NCBP2L: variants seen among roughly 807,000 people sequenced by gnomAD.
The protein encoded by NCBP2L is nuclear cap-binding protein subunit 2-like.
For missense variants in NCBP2L, 95 were observed against 53.1 expected (o/e 1.79, Z -2.45); for synonymous variants, 39 against 19.2 (o/e 2.04, Z -2.70).
At chrX:107,781,971 C>T (rs1930298837) in intron 1 of NCBP2L, among the ~76,000 whole-genome samples, 2 of 90,222 alleles carry the variant, frequency 2.2e-5, no homozygotes, top group African/African-American at 8.1e-5. Context: ...GTGATCTGCC[C>T]ACCTCGGCTT....
Position 107,794,578 on chromosome X carries a change from G to A in NCBP2L, c.358G>A (p.Gly120Ser). The stretch of plus-strand genomic sequence containing the variant: ...TGATTGGGATGTCGGTTTTAGAGAG[G>A]GTCAACAGTATGGTCGCGGTAAATC... ...CTDWDVGFREGQQYGRGKSGG... is the reference protein window; with the variant it reads ...CTDWDVGFRESQQYGRGKSGG... The change falls in exon 2 of 2, where the codon GGT (glycine) becomes AGT (serine). Residue 120 changes from glycine to serine, a missense_variant. Gly to Ser is a moderately conservative substitution (Grantham distance 56). Coordinates refer to ENST00000509000, the MANE Select transcript of NCBP2L (RefSeq NM_001348372.2). The A allele has an allele frequency of 3.5e-6, 2 of 569,749 alleles. No homozygotes were observed. The highest frequency in any genetic ancestry group is 3.2e-6 in the Non-Finnish European group (1 of 309,403). The allele number at this position is 569,749 out of a possible 1,213,427, so 47.0% of individuals were successfully genotyped here.
At chrX:107,780,777 A>G (rs1930254721) in intron 1 of NCBP2L, among the ~76,000 whole-genome samples, 1 of 108,159 alleles carries the variant, frequency 9.2e-6, no homozygotes, top group Non-Finnish European at 1.9e-5. Flanking sequence ...TTACAGACAC[A>G]TGCCACCATG....
intron 1 of NCBP2L, among the ~76,000 whole-genome samples, chrX:107,781,692 C>CTCTCTCTCTCTCTCTCTA (rs1395038482): frequency 2.7e-4 from 18 of 66,913 alleles, no homozygotes; most frequent in South Asian, 2.7e-3. Flanking sequence ...CTCTCTCTCT[C>CTCTCTCTCTCTCTCTCTA]TATATATATA....
At chrX:107,782,235 AAAT>A (rs1930312659) in intron 1 of NCBP2L, among the ~76,000 whole-genome samples, 8 of 21,635 alleles carry the variant, frequency 3.7e-4, no homozygotes, top group African/African-American at 6.1e-4. Flanking sequence ...ATATATATAT[AAAT>A]ATATATATAT....
At chrX:107,794,076 A>G (rs148886843) in intron 1 of NCBP2L, 73 bp from the exon 2 acceptor site, 7,284 of 420,087 alleles carry the variant, frequency 0.017, 62 homozygotes, top group South Asian at 0.028. Flanking sequence ...GAACACAAAT[A>G]TGTTAAATAT....
chrX:107,785,429 T>A (rs1930384962), intron 1 of NCBP2L, among the ~76,000 whole-genome samples: 1 of 111,799 alleles, frequency 8.9e-6, no homozygotes, highest in African/African-American at 3.3e-5. Context: ...CAAGTTTTAG[T>A]TTTTTGTTGC....
chrX:107,789,219 G>A (rs1420693859), intron 1 of NCBP2L, among the ~76,000 whole-genome samples: 1 of 83,960 alleles, frequency 1.2e-5, no homozygotes, highest in East Asian at 3.7e-4. Context: ...AATACACATA[G>A]CTTCTCCAGT....
At chrX:107,781,738 A>G in intron 1 of NCBP2L, among the ~76,000 whole-genome samples, 1 of 93,117 alleles carries the variant, frequency 1.1e-5, no homozygotes, top group African/African-American at 3.9e-5. Flanking sequence ...AGATCTATAT[A>G]TAGATATCTA....
At chrX:107,793,439 C>T (rs897870378) in intron 1 of NCBP2L, among the ~76,000 whole-genome samples, 5 of 111,441 alleles carry the variant, frequency 4.5e-5, no homozygotes, top group South Asian at 3.8e-4. Flanking sequence ...TAGCTAAAAC[C>T]GACTAAATCG....
At chrX:107,783,819 T>C (rs1214756919) in intron 1 of NCBP2L, among the ~76,000 whole-genome samples, 1 of 110,592 alleles carries the variant, frequency 9.0e-6, no homozygotes, top group African/African-American at 3.3e-5. Context: ...TCCTAATATC[T>C]ACAGTGTTTT....
chrX:107,793,610 G>C (rs1930479758), intron 1 of NCBP2L, among the ~76,000 whole-genome samples: 3 of 111,959 alleles, frequency 2.7e-5, no homozygotes, highest in Non-Finnish European at 5.6e-5. Context: ...ATACCAGAGA[G>C]TTTTCATTTC....
At chrX:107,781,692 C>CTCTCGCTCTATA (rs1395038482) in intron 1 of NCBP2L, among the ~76,000 whole-genome samples, 1 of 66,919 alleles carries the variant, frequency 1.5e-5, no homozygotes, top group African/African-American at 8.5e-5. Context: ...CTCTCTCTCT[C>CTCTCGCTCTATA]TATATATATA....
At chrX:107,790,946 T>C (rs184131892) in intron 1 of NCBP2L, among the ~76,000 whole-genome samples, 176 of 112,085 alleles carry the variant, frequency 1.6e-3, no homozygotes, top group African/African-American at 5.1e-3. Context: ...CTGGGCCTAC[T>C]GTGTGCTCCT....
chrX:107,794,936 G>A lies in NCBP2L; in HGVS notation c.*254G>A, dbSNP rs1361228753. 1 of 222,290 alleles carries A rather than the reference G, an allele frequency of 4.5e-6. No individual in the cohort carries two copies. The highest frequency in any genetic ancestry group is 6.4e-5 in the Admixed American group (1 of 15,577). The allele number at this position is 222,290 out of a possible 1,213,427, so 18.3% of individuals were successfully genotyped here. A position where few individuals can be genotyped will look rare whatever the true frequency, so the allele number is the denominator to read the frequency against. ...GAAGTGTTCTTCGGGAACAAATTAG[G>A]TATGTAAGATCAGAGTCAACCAAAG... On this transcript the variant is annotated 3_prime_UTR_variant, in exon 2 of 2. Coordinates refer to ENST00000509000, the MANE Select transcript of NCBP2L (RefSeq NM_001348372.2).
chrX:107,793,528 A>G (rs1930478775), intron 1 of NCBP2L, among the ~76,000 whole-genome samples: 1 of 112,136 alleles, frequency 8.9e-6, no homozygotes, highest in Admixed American at 9.5e-5. Flanking sequence ...AGAAAGGTTA[A>G]TTACTATTTA....
chrX:107,780,270 G>A (rs1032896360), intron 1 of NCBP2L, among the ~76,000 whole-genome samples: 1 of 111,475 alleles, frequency 9.0e-6, no homozygotes, highest in Non-Finnish European at 1.9e-5. Flanking sequence ...ACCTGAGCCC[G>A]GGTAGGTTGA....
intron 1 of NCBP2L, among the ~76,000 whole-genome samples, chrX:107,780,123 G>A (rs1348867292): frequency 9.0e-6 from 1 of 111,170 alleles, no homozygotes; most frequent in African/African-American, 3.3e-5. Flanking sequence ...TTGAGAGGCC[G>A]GGGTGGGCGG....
In NCBP2L at chrX:107,781,692, C is replaced by CTCTA. The variant is rs1395038482; in HGVS notation, c.-73+3835_-73+3836insCTAT. 1.8e-3 allele frequency among the ~76,000 whole-genome samples: 119 copies of CTCTA among 66,899 alleles called. 1 individual carries two copies. Among genetic ancestry groups the CTCTA allele is most frequent in the African/African-American group, 7.7e-3 (90 of 11,733 alleles). 58.1% of individuals were successfully genotyped at this position (66,899 alleles called of 115,157 possible). The stretch of plus-strand genomic sequence containing the variant: ...TATCTATCTATCTCTCTCTCTCTCT[C>CTCTA]TATATATATATATATATAGATCTAT... On this transcript the variant is annotated intron_variant, in intron 1 of 1. Transcript: ENST00000509000.
chrX:107,790,065 C>T (rs1930431838), intron 1 of NCBP2L, among the ~76,000 whole-genome samples: 1 of 110,491 alleles, frequency 9.1e-6, no homozygotes, highest in Non-Finnish European at 1.9e-5. Context: ...CCAATCTGCC[C>T]TTCCTCCTCT....
Sources: allele counts gnomAD v4.1 joint callset (sites outside exome capture counted in the v4.1 genomes callset), GRCh38; gene constraint gnomAD v4.1.1; transcripts MANE v1.5; gene names NCBI Gene and HGNC (gene_info 2026-07-23, HGNC 2026-07-21).